The following CSMD2 variants were observed in gnomAD, a reference collection of about 807,000 sequenced individuals.
CSMD2 encodes CUB and Sushi multiple domains 2.
CSMD2 carries 130 observed loss-of-function variants against 398.5 expected under a neutral mutation model. The ratio of observed to expected loss-of-function variants is 0.33; its 90% CI spans 0.28 to 0.38. The LOEUF (loss-of-function observed/expected upper bound fraction) is 0.38, where lower values mean the gene tolerates loss of function less well. Ranked by LOEUF, CSMD2 falls within the 10% of genes least tolerant of loss-of-function variation. The probability of loss-of-function intolerance (pLI) is 1.00; values close to 1 mark genes in which losing one functional copy is unlikely to be tolerated. For synonymous variants in CSMD2, 1,828 were observed against 1,908.5 expected (o/e 0.96, Z 1.10); for missense variants, 3,829 against 4,764.9 (o/e 0.80, Z 5.78).
At chr1:33,522,930 G>T (rs1172634124) in intron 67 of CSMD2, among the ~76,000 whole-genome samples, 1 of 152,182 alleles carries the variant, frequency 6.6e-6, no homozygotes, top group Non-Finnish European at 1.5e-5. Context: ...CCTCAAGTGT[G>T]AGGAGAAGTT....
intron 14 of CSMD2, 62 bp downstream of exon 14, chr1:33,743,218 C>T (rs542770541): frequency 1.1e-4 from 150 of 1,428,234 alleles, no homozygotes; most frequent in African/African-American, 1.0e-3. Flanking sequence ...GGAGCACCTT[C>T]GATCATCCTC....
intron 49 of CSMD2, among the ~76,000 whole-genome samples, chr1:33,574,438 G>T (rs1288528675): frequency 6.6e-6 from 1 of 152,082 alleles, no homozygotes; most frequent in Non-Finnish European, 1.5e-5. Flanking sequence ...GACAGCTCAG[G>T]GGGTATTACA....
intron 2 of CSMD2, among the ~76,000 whole-genome samples, chr1:34,065,894 A>G (rs1655055065): frequency 6.6e-6 from 1 of 152,194 alleles, no homozygotes; most frequent in African/African-American, 2.4e-5. Flanking sequence ...TATGGGAGAG[A>G]GTCCCTGGCT....
intron 44 of CSMD2, among the ~76,000 whole-genome samples, chr1:33,588,088 C>T (rs12737304): frequency 0.26 from 39,833 of 152,132 alleles, 6,185 homozygotes; most frequent in Non-Finnish European, 0.35. Flanking sequence ...TAACCAATTA[C>T]AGTACGTTCC....
intron 3 of CSMD2, among the ~76,000 whole-genome samples, chr1:34,020,464 C>A (rs994959406): frequency 6.6e-6 from 1 of 152,084 alleles, no homozygotes; most frequent in Non-Finnish European, 1.5e-5. Flanking sequence ...GCAACAACGC[C>A]CTGAGCAAGG....
intron 40 of CSMD2, among the ~76,000 whole-genome samples, chr1:33,612,044 A>G (rs1239786539): frequency 1.3e-5 from 2 of 152,220 alleles, no homozygotes; most frequent in Admixed American, 1.3e-4. Context: ...TAAAACATGG[A>G]AGAATATTAA....
intron 57 of CSMD2, among the ~76,000 whole-genome samples, chr1:33,544,969 C>T (rs1295168540): frequency 1.3e-5 from 2 of 152,012 alleles, no homozygotes. Flanking sequence ...GCTCTGTGCC[C>T]ACAACTAGGT....
intron 5 of CSMD2, among the ~76,000 whole-genome samples, chr1:33,881,023 C>A (rs749800726): frequency 2.0e-5 from 3 of 152,178 alleles, no homozygotes; most frequent in Non-Finnish European, 2.9e-5. Context: ...CTAAACACCA[C>A]AAGGCAAACA....
intron 1 of CSMD2, among the ~76,000 whole-genome samples, chr1:34,132,962 A>G (rs1484902537): frequency 1.6e-5 from 2 of 123,538 alleles, no homozygotes; most frequent in African/African-American, 2.9e-5. Context: ...ACACACACAC[A>G]CACCTTTTTT....
chr1:33,804,674 A>C, intron 10 of CSMD2: 1 of 716,622 alleles, frequency 1.4e-6, no homozygotes, highest in East Asian at 2.7e-5. Context: ...GAGCTTAGAG[A>C]CTATGCTTTT....
intron 5 of CSMD2, among the ~76,000 whole-genome samples, chr1:33,853,414 T>A (rs997280683): frequency 2.0e-5 from 3 of 152,242 alleles, no homozygotes; most frequent in Admixed American, 6.5e-5. Context: ...TAGTAAGCAA[T>A]TCTTTTAAGA....
At chr1:33,662,838 G>T (rs1644181809) in intron 26 of CSMD2, 52 bp downstream of exon 26, 4 of 1,508,242 alleles carry the variant, frequency 2.7e-6, no homozygotes, top group South Asian at 1.1e-5. Flanking sequence ...AGGAAGGTGG[G>T]TGCCATGTGT....
chr1:33,560,918 T>C (rs1658480624), intron 53 of CSMD2, among the ~76,000 whole-genome samples: 1 of 152,258 alleles, frequency 6.6e-6, no homozygotes, highest in Non-Finnish European at 1.5e-5. Flanking sequence ...CCTAGGCTTC[T>C]GCTTTGATCC....
At chr1:33,779,580 C>T (rs543840046) in intron 12 of CSMD2, among the ~76,000 whole-genome samples, 18 of 152,310 alleles carry the variant, frequency 1.2e-4, no homozygotes, top group Non-Finnish European at 2.5e-4. Flanking sequence ...GTGGCACCTG[C>T]CATCCTCTCT....
intron 15 of CSMD2, 53 bp from the exon 16 acceptor site, chr1:33,726,738 C>G (rs763406579): frequency 6.5e-6 from 10 of 1,545,250 alleles, no homozygotes; most frequent in Non-Finnish European, 7.0e-6. Context: ...AATGAGTAAA[C>G]AAACAGAAAA....
rs1190446372 is a variant in CSMD2, at chr1:33,623,317, T to C, written c.5722+53A>G. 6.3e-6 allele frequency: 7 copies of C among 1,115,880 alleles called. No individual in the cohort carries two copies. The South Asian group carries it at 7.6e-5, about 12-fold the overall frequency. The allele number at this position is 1,115,880 out of a possible 1,614,324, so 69.1% of individuals were successfully genotyped here. On this transcript the variant is annotated intron_variant, in intron 36 of 70. Coordinates refer to ENST00000373381, the MANE Select transcript of CSMD2 (RefSeq NM_001281956.2). ...ATAATGATAATAACAATGTTCATGATGATGAGCTCTAGTACTACCCTCCAA... is the reference window on the plus strand; with the variant it reads ...ATAATGATAATAACAATGTTCATGACGATGAGCTCTAGTACTACCCTCCAA...
At chr1:33,691,271 C>T (rs772764809) in intron 25 of CSMD2, among the ~76,000 whole-genome samples, 6 of 151,978 alleles carry the variant, frequency 3.9e-5, no homozygotes, top group Non-Finnish European at 8.8e-5. Context: ...ATTCTGTGAG[C>T]GTGGGGTGGC....
At chr1:34,036,163 CA>C (rs906864774) in intron 2 of CSMD2, among the ~76,000 whole-genome samples, 6 of 151,478 alleles carry the variant, frequency 4.0e-5, no homozygotes, top group Non-Finnish European at 7.4e-5. Flanking sequence ...CAATTTACTC[CA>C]GAGAAGTGGA....
intron 2 of CSMD2, among the ~76,000 whole-genome samples, chr1:34,061,328 T>C (rs983924087): frequency 2.0e-5 from 3 of 152,196 alleles, no homozygotes; most frequent in African/African-American, 7.2e-5. Context: ...AGGCAGACTG[T>C]GCTCTGATGG....
Sources: allele counts gnomAD v4.1 joint callset (sites outside exome capture counted in the v4.1 genomes callset), GRCh38; gene constraint gnomAD v4.1.1; transcripts MANE v1.5; gene names NCBI Gene and HGNC (gene_info 2026-07-23, HGNC 2026-07-21).